Variants in DCC observed in about 807,000 individuals in gnomAD.
DCC encodes the protein netrin receptor DCC.
Under a neutral mutation model 172.5 loss-of-function variants are expected in DCC, and 58 were observed. That is an observed-to-expected ratio of 0.34 (90% CI 0.27 to 0.42). DCC has a LOEUF of 0.42. DCC is among the 10% of genes least tolerant of loss of function. The probability of loss-of-function intolerance (pLI) is 1.00; values close to 1 mark genes in which losing one functional copy is unlikely to be tolerated. For synonymous variants in DCC, 709 were observed against 644.5 expected (o/e 1.10, Z -1.52); for missense variants, 1,740 against 1,791.0 (o/e 0.97, Z 0.51).
At chr18:53,086,449 T>A (rs1434461062) in intron 7 of DCC, among the ~76,000 whole-genome samples, 1 of 47,320 alleles carries the variant, frequency 2.1e-5, no homozygotes, top group Non-Finnish European at 3.8e-5. Flanking sequence ...TTCTTCTTCT[T>A]CCTTTCTTCT....
At chr18:53,527,539 TTAAG>T (rs1027757532) in intron 28 of DCC, among the ~76,000 whole-genome samples, 10 of 151,858 alleles carry the variant, frequency 6.6e-5, no homozygotes, top group Admixed American at 5.2e-4. Flanking sequence ...TTGAAGGAGT[TTAAG>T]TAATACAAAA....
At chr18:52,707,275 A>G (rs1204857190) in intron 1 of DCC, among the ~76,000 whole-genome samples, 1 of 152,246 alleles carries the variant, frequency 6.6e-6, no homozygotes, top group African/African-American at 2.4e-5. Flanking sequence ...GCTAGATTTG[A>G]CCATTTCAAG....
At chr18:52,392,724 G>A (rs932696712) in intron 1 of DCC, among the ~76,000 whole-genome samples, 3 of 151,844 alleles carry the variant, frequency 2.0e-5, no homozygotes, top group Admixed American at 1.3e-4. Flanking sequence ...TATTTACTTT[G>A]GTGTGTTCCT....
intron 1 of DCC, among the ~76,000 whole-genome samples, chr18:52,646,983 A>C (rs1680615013): frequency 1.3e-5 from 2 of 152,170 alleles, no homozygotes; most frequent in Non-Finnish European, 1.5e-5. Context: ...TGTGATGGAA[A>C]GGGGCTTATA....
chr18:53,151,112 C>A (rs1202023288), intron 7 of DCC, among the ~76,000 whole-genome samples: 1 of 152,272 alleles, frequency 6.6e-6, no homozygotes, highest in Non-Finnish European at 1.5e-5. Context: ...CTTCAATTAA[C>A]ATTGAATGGA....
chr18:53,530,287 T>C (rs1017332045), intron 28 of DCC: 3 of 701,622 alleles, frequency 4.3e-6, no homozygotes, highest in East Asian at 2.7e-5. Flanking sequence ...CAGCTAATAA[T>C]TGGGAGAACT....
At chr18:52,841,513 T>G (rs949701830) in intron 2 of DCC, among the ~76,000 whole-genome samples, 1 of 152,200 alleles carries the variant, frequency 6.6e-6, no homozygotes, top group Admixed American at 6.6e-5. Flanking sequence ...AAAGGCATTC[T>G]GTCCGAGAAA....
At chr18:53,099,446 G>A (rs115798891) in intron 7 of DCC, among the ~76,000 whole-genome samples, 259 of 152,134 alleles carry the variant, frequency 1.7e-3, no homozygotes, top group African/African-American at 5.8e-3. Flanking sequence ...TACCCACAAA[G>A]CTCTAAATGA....
chr18:52,423,288 C>G (rs1011665302), intron 1 of DCC, among the ~76,000 whole-genome samples: 3 of 152,054 alleles, frequency 2.0e-5, no homozygotes, highest in African/African-American at 7.2e-5. Context: ...GATAGAGAAG[C>G]CCTGCAGAGG....
chr18:52,978,465 A>G (rs544940327), intron 5 of DCC, among the ~76,000 whole-genome samples: 42 of 152,330 alleles, frequency 2.8e-4, no homozygotes, highest in African/African-American at 9.6e-4. Flanking sequence ...AAATTGCTAC[A>G]TGTATTGAGT....
intron 24 of DCC, among the ~76,000 whole-genome samples, chr18:53,466,769 G>A (rs986841390): frequency 1.1e-4 from 16 of 152,022 alleles, no homozygotes; most frequent in South Asian, 2.1e-4. Context: ...CAAGTGATCC[G>A]CCCACTTTGG....
intron 2 of DCC, among the ~76,000 whole-genome samples, chr18:52,866,896 G>T (rs1008201330): frequency 2.0e-5 from 3 of 152,024 alleles, no homozygotes; most frequent in Admixed American, 2.0e-4. Context: ...GATTGCCCTG[G>T]CCAGCACTTC....
intron 11 of DCC, among the ~76,000 whole-genome samples, chr18:53,212,641 T>G (rs962691611): frequency 6.6e-6 from 1 of 152,100 alleles, no homozygotes; most frequent in African/African-American, 2.4e-5. Context: ...TTAGCAGAAT[T>G]GTATTTTATT....
intron 1 of DCC, among the ~76,000 whole-genome samples, chr18:52,481,774 C>A (rs182607553): frequency 6.6e-6 from 1 of 151,860 alleles, no homozygotes; most frequent in Admixed American, 6.6e-5. Flanking sequence ...TCCTCATCAG[C>A]AAAATGGGGA....
In DCC at chr18:52,908,118, C is replaced by T. The variant is rs148202957; in HGVS notation, c.697+1790C>T. ...CATCTCAAAGTATGGATGTTGGCTT[C>T]GGTCTCTGCGCTCTTAACTGTGTAT... On this transcript the variant is annotated intron_variant, in intron 3 of 28. Coordinates refer to ENST00000442544, the MANE Select transcript of DCC (RefSeq NM_005215.4). 5.9e-5 allele frequency among the ~76,000 whole-genome samples: 9 copies of T among 152,284 alleles called. No individual in the cohort carries two copies. The East Asian group carries it at 1.5e-3, about 26-fold the overall frequency.
At chr18:53,480,085 G>A (rs1431273023) in intron 25 of DCC, among the ~76,000 whole-genome samples, 1 of 152,118 alleles carries the variant, frequency 6.6e-6, no homozygotes, top group Non-Finnish European at 1.5e-5. Flanking sequence ...GAGCCAAAAT[G>A]TACACCTGGA....
At chr18:53,406,409 A>AATAAAAG (rs1555666680) in intron 19 of DCC, among the ~76,000 whole-genome samples, 38 of 150,272 alleles carry the variant, frequency 2.5e-4, no homozygotes, top group Admixed American at 4.6e-4. Context: ...AGGTTTAAAA[A>AATAAAAG]AAAAAGAGAA....
chr18:53,328,476 G>C (rs899842242), intron 14 of DCC, among the ~76,000 whole-genome samples: 4 of 146,028 alleles, frequency 2.7e-5, no homozygotes, highest in Admixed American at 2.0e-4. Flanking sequence ...TTGTTCTTCT[G>C]ATTTTTCTGG....
At chr18:53,217,310 T>TACAC (rs34151927) in intron 12 of DCC, among the ~76,000 whole-genome samples, 57 of 148,512 alleles carry the variant, frequency 3.8e-4, no homozygotes, top group African/African-American at 9.6e-4. Context: ...CATATGTATA[T>TACAC]ACACACACAC....
Sources: allele counts gnomAD v4.1 joint callset (sites outside exome capture counted in the v4.1 genomes callset), GRCh38; gene constraint gnomAD v4.1.1; transcripts MANE v1.5; gene names NCBI Gene and HGNC (gene_info 2026-07-23, HGNC 2026-07-21).